KAZN: variants seen among roughly 807,000 people sequenced by gnomAD.
KAZN encodes kazrin.
In KAZN, 40 loss-of-function variants were observed where a neutral mutation model predicts 87.4. The observed-to-expected ratio is 0.46, with a 90% CI of 0.36 to 0.60. KAZN has a LOEUF of 0.60. KAZN is among the 20% of genes least tolerant of loss of function. The pLI is 0.00. For missense variants in KAZN, 898 were observed against 1,073.9 expected, an observed-to-expected ratio of 0.84 and a Z score of 2.29; for synonymous variants, 466 against 458.3, an observed-to-expected ratio of 1.02 and a Z score of -0.22.
intron 2 of KAZN, among the ~76,000 whole-genome samples, chr1:14,514,055 T>C (rs943589418): frequency 5.4e-4 from 81 of 151,112 alleles, no homozygotes; most frequent in African/African-American, 2.0e-3. Context: ...GCGTGGTGGC[T>C]CACGTCTGTA....
At chr1:14,930,679 C>T (rs1373478632) in intron 1 of KAZN, among the ~76,000 whole-genome samples, 1 of 152,244 alleles carries the variant, frequency 6.6e-6, no homozygotes. Flanking sequence ...GTAGCTGTTC[C>T]AGGCTGCCAT....
chr1:14,230,778 GT>G (rs1647746475), intron 2 of KAZN, among the ~76,000 whole-genome samples: 1 of 152,044 alleles, frequency 6.6e-6, no homozygotes, highest in Non-Finnish European at 1.5e-5. Flanking sequence ...CAGTAAGAAG[GT>G]TATAAACAAT....
At chr1:14,381,691 C>T (rs1661385263) in intron 2 of KAZN, among the ~76,000 whole-genome samples, 1 of 152,032 alleles carries the variant, frequency 6.6e-6, no homozygotes, top group African/African-American at 2.4e-5. Flanking sequence ...TAATAAAAGC[C>T]ATATATAAAA....
At chr1:14,498,682 ACT>A (rs1370662057) in intron 2 of KAZN, among the ~76,000 whole-genome samples, 10 of 151,830 alleles carry the variant, frequency 6.6e-5, no homozygotes, top group African/African-American at 2.2e-4. Flanking sequence ...ACAGAGCAAG[ACT>A]CTGTCTCAAA....
intron 1 of KAZN, among the ~76,000 whole-genome samples, chr1:14,039,298 C>A (rs2294811): frequency 0.14 from 21,506 of 152,232 alleles, 1,920 homozygotes; most frequent in Middle Eastern, 0.25. Flanking sequence ...CCACTCTCTA[C>A]GTCTGCCTCC....
At chr1:14,156,394 A>G (rs1293504911) in intron 1 of KAZN, among the ~76,000 whole-genome samples, 2 of 152,062 alleles carry the variant, frequency 1.3e-5, no homozygotes, top group Non-Finnish European at 2.9e-5. Context: ...TTCTTTGTTG[A>G]TTTTCTGTCT....
At chr1:14,395,031 T>C (rs531362802) in intron 2 of KAZN, among the ~76,000 whole-genome samples, 1 of 152,122 alleles carries the variant, frequency 6.6e-6, no homozygotes, top group East Asian at 1.9e-4. Flanking sequence ...CCTCAGTGCC[T>C]AGCACAGGCC....
chr1:15,046,157 A>G (rs963712122), intron 4 of KAZN, among the ~76,000 whole-genome samples: 1 of 152,056 alleles, frequency 6.6e-6, no homozygotes, highest in Non-Finnish European at 1.5e-5. Context: ...AATTAGCCAG[A>G]CATGGCGGTG....
At chr1:14,177,101 T>G (rs2100292324) in intron 1 of KAZN, among the ~76,000 whole-genome samples, 1 of 152,212 alleles carries the variant, frequency 6.6e-6, no homozygotes, top group Non-Finnish European at 1.5e-5. Context: ...GAGGTTGCAG[T>G]GAGCTGAGAT....
chr1:14,626,818 C>T (rs935933719), intron 1 of KAZN, among the ~76,000 whole-genome samples: 2 of 152,174 alleles, frequency 1.3e-5, no homozygotes, highest in African/African-American at 2.4e-5. Flanking sequence ...CTTTTCCAGA[C>T]TTCTCAAGGT....
At chr1:14,546,380 TAAG>T (rs1006187423) in intron 2 of KAZN, among the ~76,000 whole-genome samples, 6 of 152,144 alleles carry the variant, frequency 3.9e-5, no homozygotes, top group Non-Finnish European at 7.4e-5. Flanking sequence ...ATATAGTACT[TAAG>T]AAAAATAACC....
chr1:13,907,796 TG>T (rs1639500366), intron 1 of KAZN, among the ~76,000 whole-genome samples: 1 of 149,504 alleles, frequency 6.7e-6, no homozygotes, highest in Non-Finnish European at 1.5e-5. Flanking sequence ...GAGACATTTT[TG>T]GATGGGTTTG....
chr1:15,059,548 G>A (rs1263447585), intron 5 of KAZN, among the ~76,000 whole-genome samples: 8 of 152,140 alleles, frequency 5.3e-5, no homozygotes, highest in Admixed American at 1.3e-4. Context: ...GCGACCCACC[G>A]GGAGGCCTCA....
intron 2 of KAZN, among the ~76,000 whole-genome samples, chr1:14,399,224 G>A (rs575996134): frequency 1.1e-4 from 17 of 151,728 alleles, no homozygotes; most frequent in African/African-American, 3.4e-4. Context: ...ACTATGTTGC[G>A]CAGGCTGGTC....
intron 2 of KAZN, among the ~76,000 whole-genome samples, chr1:14,182,491 C>G (rs1420971675): frequency 1.3e-5 from 2 of 152,132 alleles, no homozygotes; most frequent in African/African-American, 2.4e-5. Flanking sequence ...CTTTTTGAAA[C>G]AGTGTTTTGG....
rs113397908 is a variant in KAZN, at chr1:13,982,537, G to A, written c.91+88781G>A. The stretch of plus-strand genomic sequence containing the variant: ...GAACAAAGCTTCCACAGCATGGAAA[G>A]CGACCCGAGGTGGTTGCCACTGCTG... On this transcript the variant is annotated intron_variant, in intron 1 of 16. Coordinates refer to the KAZN transcript ENST00000636203. Among the ~76,000 whole-genome samples the A allele has an allele frequency of 8.0e-3, 1,215 of 152,298 alleles. 22 individuals carry two copies. Among genetic ancestry groups the A allele is most frequent in the African/African-American group, 0.027 (1,137 of 41,558 alleles).
At chr1:15,046,035 T>C (rs1488249841) in intron 4 of KAZN, among the ~76,000 whole-genome samples, 1 of 152,216 alleles carries the variant, frequency 6.6e-6, no homozygotes, top group Non-Finnish European at 1.5e-5. Context: ...TGGTGGCTCA[T>C]GCCTGTAATC....
intron 2 of KAZN, among the ~76,000 whole-genome samples, chr1:14,421,132 A>G (rs566888400): frequency 1.2e-4 from 19 of 152,370 alleles, no homozygotes; most frequent in African/African-American, 4.3e-4. Context: ...TAGAGCTACT[A>G]CTACATCAAT....
intron 1 of KAZN, among the ~76,000 whole-genome samples, chr1:14,913,940 G>A (rs1466737041): frequency 6.6e-6 from 1 of 152,220 alleles, no homozygotes; most frequent in African/African-American, 2.4e-5. Context: ...AAGACCTTCA[G>A]GATGGAGGAG....
Sources: gnomAD v4.1 joint callset for allele counts (sites outside exome capture counted in the v4.1 genomes callset) on GRCh38, gnomAD v4.1.1 for gene constraint, MANE v1.5 for transcripts, NCBI Gene and HGNC (gene_info 2026-07-23, HGNC 2026-07-21) for gene names.